FAM135B: variants seen among roughly 807,000 people sequenced by gnomAD.
The protein encoded by FAM135B is family with sequence similarity 135 member B.
Under a neutral mutation model 127.7 loss-of-function variants are expected in FAM135B, and 43 were observed. The observed-to-expected ratio is 0.34, with a 90% CI of 0.26 to 0.43. FAM135B has a LOEUF of 0.43. Among genes scored for constraint, FAM135B ranks in the 20% least tolerant of loss-of-function variants. FAM135B has a pLI of 1.00. For synonymous variants in FAM135B, 670 were observed against 665.1 expected (o/e 1.01, Z -0.11); for missense variants, 1,558 against 1,725.6 (o/e 0.90, Z 1.72).
intron 5 of FAM135B, 28 bp downstream of exon 5, chr8:138,256,661 A>G (rs372295678): frequency 6.3e-7 from 1 of 1,598,508 alleles, no homozygotes; most frequent in African/African-American, 1.3e-5. Flanking sequence ...CTGTGCTACT[A>G]CAATTCAATA....
intron 9 of FAM135B, among the ~76,000 whole-genome samples, chr8:138,189,311 T>G (rs1815891244): frequency 6.6e-6 from 1 of 152,198 alleles, no homozygotes; most frequent in South Asian, 2.1e-4. Flanking sequence ...GCCACTTTCA[T>G]CAGCAATGCA....
intron 3 of FAM135B, among the ~76,000 whole-genome samples, chr8:138,308,080 A>G (rs953811952): frequency 2.0e-5 from 3 of 152,156 alleles, no homozygotes; most frequent in African/African-American, 7.2e-5. Context: ...GCCCTGAACA[A>G]TGAACTGTGG....
At chr8:138,338,129 A>C (rs1356288441) in intron 2 of FAM135B, among the ~76,000 whole-genome samples, 3 of 152,252 alleles carry the variant, frequency 2.0e-5, no homozygotes, top group Non-Finnish European at 4.4e-5. Context: ...TAAAGACTTA[A>C]ATGTTAGACC....
intron 14 of FAM135B, among the ~76,000 whole-genome samples, chr8:138,147,307 T>G (rs1359081869): frequency 6.6e-6 from 1 of 151,670 alleles, no homozygotes; most frequent in Non-Finnish European, 1.5e-5. Flanking sequence ...CAAGTGTTTA[T>G]ATTCAGCATT....
Position 138,347,299 on chromosome 8 carries a change from A to C in FAM135B, c.77+20608T>G, listed in dbSNP as rs549229281. Among the ~76,000 whole-genome samples, 448 of 152,336 alleles carry C rather than the reference A, an allele frequency of 2.9e-3. 2 individuals are homozygous for C. Among genetic ancestry groups the C allele is most frequent in the Non-Finnish European group, 4.9e-3 (332 of 68,028 alleles). On this transcript the variant is annotated intron_variant, in intron 2 of 19. Transcript: ENST00000395297. ...GGCTGGAAATGGAGCTCTGCACTTCACAACACAAATCATCCCTTCCTGTGG... is the reference window on the plus strand; with the variant it reads ...GGCTGGAAATGGAGCTCTGCACTTCCCAACACAAATCATCCCTTCCTGTGG...
At chr8:138,302,015 G>T (rs1221098584) in intron 3 of FAM135B, among the ~76,000 whole-genome samples, 1 of 152,128 alleles carries the variant, frequency 6.6e-6, no homozygotes, top group Non-Finnish European at 1.5e-5. Flanking sequence ...TCCAGTCCAT[G>T]CAACTTCCCC....
At chr8:138,392,587 TAAGTC>T (rs1832640500) in intron 1 of FAM135B, among the ~76,000 whole-genome samples, 1 of 152,202 alleles carries the variant, frequency 6.6e-6, no homozygotes, top group African/African-American at 2.4e-5. Context: ...GGGATTTTTC[TAAGTC>T]AAAATGAAAA....
chr8:138,387,960 A>G lies in FAM135B; in HGVS notation c.-19-19958T>C, dbSNP rs150059061. ...TTCCTATCACCCTTTTAATAAAATT[A>G]AAGTTCTCCTAAGAGGATACGCAAA... is the stretch of plus-strand genomic sequence containing the variant. On this transcript the variant is annotated intron_variant, in intron 1 of 19. Transcript: ENST00000395297. Among the ~76,000 whole-genome samples the G allele has an allele frequency of 1.6e-4, 24 of 152,334 alleles. 2 individuals are homozygous for G. Among genetic ancestry groups the G allele is most frequent in the African/African-American group, 5.3e-4 (22 of 41,582 alleles).
intron 7 of FAM135B, among the ~76,000 whole-genome samples, chr8:138,206,785 C>T (rs1817704922): frequency 6.6e-6 from 1 of 151,344 alleles, no homozygotes; most frequent in African/African-American, 2.4e-5. Flanking sequence ...TCCCCTCCAC[C>T]TACACACAAC....
Position 138,141,100 on chromosome 8 carries a change from C to T in FAM135B, c.3790+98G>A. On this transcript the variant is annotated intron_variant, in intron 17 of 19. Transcript: ENST00000395297. This position sits in a 1 kb window ranked among gnomAD's most constrained non-coding sequence, Gnocchi z 4.7. ...CATGCCATGCTTGGAAAAGACTGCA[C>T]AGTCACAGGGTTCCAAGTGGAAGTA... 1 of 1,181,058 alleles carries T rather than the reference C, an allele frequency of 8.5e-7. No homozygotes were observed. Among genetic ancestry groups the T allele is most frequent in the Non-Finnish European group, 1.2e-6 (1 of 824,420 alleles). The allele number at this position is 1,181,058 out of a possible 1,614,324, so 73.2% of individuals were successfully genotyped here. A position where few individuals can be genotyped will look rare whatever the true frequency, so the allele number is the denominator to read the frequency against.
intron 1 of FAM135B, among the ~76,000 whole-genome samples, chr8:138,487,586 T>C (rs1167157519): frequency 6.8e-6 from 1 of 148,020 alleles, no homozygotes; most frequent in African/African-American, 2.5e-5. Context: ...GGGTGGGAGC[T>C]GTCCACTGCA....
chr8:138,287,125 C>A (rs1253564937), intron 3 of FAM135B, among the ~76,000 whole-genome samples: 1 of 152,044 alleles, frequency 6.6e-6, no homozygotes, highest in African/African-American at 2.4e-5. Context: ...CTACAGACTA[C>A]GGGAAGACAT....
At chr8:138,200,175 G>A (rs746345739) in intron 7 of FAM135B, among the ~76,000 whole-genome samples, 52 of 152,300 alleles carry the variant, frequency 3.4e-4, no homozygotes, top group Non-Finnish European at 6.6e-4. Flanking sequence ...GTCTGGCCTT[G>A]GATTAAAAGC....
In FAM135B at chr8:138,141,430, G is replaced by A; in HGVS notation, c.3639-81C>T. 1 of 1,410,202 alleles carries A rather than the reference G, an allele frequency of 7.1e-7. No homozygotes were observed. Among genetic ancestry groups the A allele is most frequent in the Non-Finnish European group, 9.9e-7 (1 of 1,007,384 alleles). The allele number at this position is 1,410,202 out of a possible 1,614,324, so 87.4% of individuals were successfully genotyped here. A position where few individuals can be genotyped will look rare whatever the true frequency, so the allele number is the denominator to read the frequency against. ...GAGTGCAGTGCTGGAAGCATCAGGG[G>A]CCATTGTTCTCCACCTCCCACTGAA... On this transcript the variant is annotated intron_variant, in intron 16 of 19. Coordinates refer to ENST00000395297, the MANE Select transcript of FAM135B (RefSeq NM_015912.4). The surrounding 1 kb of genome is among the most constrained non-coding windows in gnomAD (Gnocchi z 4.7).
chr8:138,162,014 T>C (rs6987979), intron 12 of FAM135B, among the ~76,000 whole-genome samples: 50,118 of 152,100 alleles, frequency 0.33, 9,422 homozygotes, highest in East Asian at 0.55. Flanking sequence ...AAGCTCATTA[T>C]TGTTTGCATT....
intron 1 of FAM135B, among the ~76,000 whole-genome samples, chr8:138,426,890 A>G (rs991649802): frequency 4.0e-5 from 6 of 151,832 alleles, no homozygotes; most frequent in Non-Finnish European, 5.9e-5. Flanking sequence ...CTATTTTCTT[A>G]TCCTGAAATG....
At chr8:138,457,603 G>A (rs1290896547) in intron 1 of FAM135B, among the ~76,000 whole-genome samples, 2 of 152,152 alleles carry the variant, frequency 1.3e-5, no homozygotes, top group Non-Finnish European at 2.9e-5. Flanking sequence ...TGACATTCGT[G>A]TTTCACTTTA....
intron 9 of FAM135B, among the ~76,000 whole-genome samples, chr8:138,182,130 A>T (rs935830085): frequency 7.2e-5 from 11 of 152,204 alleles, no homozygotes; most frequent in Admixed American, 5.2e-4. Flanking sequence ...ACGAATCCTG[A>T]GCTCCGCCAC....
At chr8:138,193,510 G>A (rs1816330696) in intron 9 of FAM135B, among the ~76,000 whole-genome samples, 1 of 152,190 alleles carries the variant, frequency 6.6e-6, no homozygotes, top group Admixed American at 6.5e-5. Flanking sequence ...GATGGGAAAT[G>A]GAAAAGCCGA....
Sources: gnomAD v4.1 joint callset for allele counts (sites outside exome capture counted in the v4.1 genomes callset) on GRCh38, gnomAD v4.1.1 for gene constraint, Gnocchi (gnomAD v3.1) non-coding constraint, MANE v1.5 for transcripts, NCBI Gene and HGNC (gene_info 2026-07-23, HGNC 2026-07-21) for gene names.